The following KCNT2 variants were observed in gnomAD, a reference collection of about 807,000 sequenced individuals.
The protein encoded by KCNT2 is potassium sodium-activated channel subfamily T member 2.
KCNT2 carries 67 observed loss-of-function variants against 153.8 expected under a neutral mutation model. The observed-to-expected ratio is 0.44, with a 90% CI of 0.36 to 0.53. KCNT2 has a LOEUF of 0.53. Ranked by LOEUF, KCNT2 falls within the 20% of genes least tolerant of loss-of-function variation. The pLI is 0.00. For synonymous variants in KCNT2, 500 were observed against 458.8 expected (o/e 1.09, Z -1.15); for missense variants, 975 against 1,354.8 (o/e 0.72, Z 4.40).
intron 8 of KCNT2, among the ~76,000 whole-genome samples, chr1:196,449,802 G>A (rs569820272): frequency 7.0e-4 from 106 of 151,142 alleles, no homozygotes; most frequent in Middle Eastern, 6.8e-3. Flanking sequence ...AATAGAAAAG[G>A]CACTAATAAA....
At chr1:196,241,624 C>T (rs1450903408) in intron 26 of KCNT2, among the ~76,000 whole-genome samples, 1 of 151,972 alleles carries the variant, frequency 6.6e-6, no homozygotes, top group Non-Finnish European at 1.5e-5. Context: ...AACATTTGAA[C>T]TCTCTTAATT....
chr1:196,254,048 A>G (rs1049896760), intron 26 of KCNT2, among the ~76,000 whole-genome samples: 12 of 151,402 alleles, frequency 7.9e-5, no homozygotes, highest in Non-Finnish European at 3.0e-5. Context: ...ATAAAGTAAA[A>G]CTTTATATTT....
intron 22 of KCNT2, among the ~76,000 whole-genome samples, chr1:196,298,633 A>G (rs958764650): frequency 1.3e-5 from 2 of 151,820 alleles, no homozygotes; most frequent in Non-Finnish European, 2.9e-5. Context: ...GGTAAGATTA[A>G]TTAAATCATT....
At chr1:196,421,759 A>C (rs561466407) in intron 12 of KCNT2, among the ~76,000 whole-genome samples, 2 of 152,046 alleles carry the variant, frequency 1.3e-5, no homozygotes, top group Admixed American at 6.6e-5. Flanking sequence ...ACAGAATGTT[A>C]TTGTCTCACA....
Position 196,282,299 on chromosome 1 carries a change from T to C in KCNT2, c.2755A>G (p.Thr919Ala), listed in dbSNP as rs2147873696. The C allele has an allele frequency of 6.2e-7, 1 of 1,600,228 alleles. No individual in the cohort carries two copies. Among genetic ancestry groups the C allele is most frequent in the East Asian group, 2.2e-5 (1 of 44,690 alleles). Reference protein sequence around the residue: ...ITRLLLGLDTTPGSGFLCSMK... With the variant: ...ITRLLLGLDTAPGSGFLCSMK... ...GAACAAAGAAACCCAGATCCTGGTGTAGTGTCCAGTCCCAACAGAAGTCTC... is the reference window on the plus strand; with the variant it reads ...GAACAAAGAAACCCAGATCCTGGTGCAGTGTCCAGTCCCAACAGAAGTCTC... Residue 919 changes from threonine to alanine, a missense_variant, in exon 24 of 28, where the codon ACA becomes GCA. Thr to Ala is a moderately conservative substitution (Grantham distance 58). Around this residue, in one of 6 missense-constraint regions of KCNT2, gnomAD observed 241 missense variants for 271.1 expected, o/e 0.89. Coordinates refer to ENST00000294725, the MANE Select transcript of KCNT2 (RefSeq NM_198503.5).
At chr1:196,234,081 T>G (rs1295135140) in intron 27 of KCNT2, among the ~76,000 whole-genome samples, 5 of 151,402 alleles carry the variant, frequency 3.3e-5, no homozygotes, top group Non-Finnish European at 5.9e-5. Flanking sequence ...ACAAAGAAAT[T>G]ATAAATGTTT....
At chr1:196,496,702 G>A (rs1428402097) in intron 1 of KCNT2, among the ~76,000 whole-genome samples, 2 of 152,278 alleles carry the variant, frequency 1.3e-5, no homozygotes, top group South Asian at 2.1e-4. Context: ...AGGGTGGTAG[G>A]TGGCCAGAGC....
At chr1:196,358,055 C>T (rs1667313888) in intron 14 of KCNT2, among the ~76,000 whole-genome samples, 2 of 151,396 alleles carry the variant, frequency 1.3e-5, no homozygotes, top group South Asian at 4.2e-4. Context: ...TGAGTCTCTC[C>T]TCTTCTCTTA....
intron 14 of KCNT2, 57 bp downstream of exon 14, chr1:196,373,083 G>T: frequency 2.5e-6 from 2 of 804,414 alleles, no homozygotes; most frequent in South Asian, 1.5e-5. Context: ...TCACATAACT[G>T]CCCTTATTGT....
intron 25 of KCNT2, among the ~76,000 whole-genome samples, chr1:196,265,151 T>C (rs1210332418): frequency 6.6e-6 from 1 of 152,210 alleles, no homozygotes; most frequent in Non-Finnish European, 1.5e-5. Flanking sequence ...ATCCCATCTA[T>C]GAAAGGTAGT....
chr1:196,343,938 C>A (rs1415408803), intron 14 of KCNT2, among the ~76,000 whole-genome samples: 1 of 152,104 alleles, frequency 6.6e-6, no homozygotes, highest in Non-Finnish European at 1.5e-5. Flanking sequence ...TGCCACCATG[C>A]CCAGCTAATT....
At chr1:196,568,043 A>G (rs576631911) in intron 1 of KCNT2, among the ~76,000 whole-genome samples, 1 of 152,336 alleles carries the variant, frequency 6.6e-6, no homozygotes, top group South Asian at 2.1e-4. Flanking sequence ...TGGGTTAAGT[A>G]TCTTTTGTCT....
intron 5 of KCNT2, among the ~76,000 whole-genome samples, chr1:196,470,354 C>T (rs1243625383): frequency 6.6e-6 from 1 of 152,118 alleles, no homozygotes; most frequent in African/African-American, 2.4e-5. Context: ...GACACAATCC[C>T]TCCTATTTTA....
At chr1:196,381,220 G>A (rs930785542) in intron 13 of KCNT2, among the ~76,000 whole-genome samples, 2 of 151,814 alleles carry the variant, frequency 1.3e-5, no homozygotes, top group African/African-American at 4.8e-5. Flanking sequence ...CTCAAAAGGG[G>A]GCTCAAATTT....
intron 12 of KCNT2, among the ~76,000 whole-genome samples, chr1:196,401,766 A>G (rs1182122970): frequency 6.6e-6 from 1 of 151,710 alleles, no homozygotes; most frequent in Non-Finnish European, 1.5e-5. Context: ...ACTAGCAGAA[A>G]ATGATTTTAA....
chr1:196,244,315 G>A (rs920592430), intron 26 of KCNT2, among the ~76,000 whole-genome samples: 2 of 152,138 alleles, frequency 1.3e-5, no homozygotes, highest in Non-Finnish European at 1.5e-5. Context: ...GAGAAAAAGA[G>A]AGGGAAGAGT....
intron 25 of KCNT2, chr1:196,259,714 T>A (rs1656830475): frequency 6.6e-6 from 1 of 151,934 alleles, no homozygotes; most frequent in Non-Finnish European, 1.5e-5. Context: ...CACACTTAAT[T>A]TCATCCAAAA....
rs12045956 is a variant in KCNT2 at position 196,538,671 on chromosome 1, G to C, written c.96-46330C>G. ...ATGGTTACATAATGTGTGGAGTTGT[G>C]TGCCTGCGCTCCAAAACTGCTGAGT... is the stretch of plus-strand genomic sequence containing the variant. On this transcript the variant is annotated intron_variant, in intron 1 of 27. Transcript: ENST00000294725. 4.6e-5 allele frequency among the ~76,000 whole-genome samples: 7 copies of C among 152,252 alleles called. No homozygotes were observed. In the East Asian group the frequency reaches 1.4e-3, roughly 29 times the overall value.
At position 196,282,317 on chromosome 1, in the gene KCNT2, G is replaced by T. The variant is rs780601767; in HGVS notation, c.2737C>A (p.Leu913Met). 14 of 1,601,952 alleles carry T rather than the reference G, an allele frequency of 8.7e-6. No homozygotes were observed. The South Asian group carries it at 1.2e-4, about 14-fold the overall frequency. The change falls in exon 24 of 28, where the codon CTG (leucine) becomes ATG (methionine). Residue 913 changes from leucine to methionine, a missense_variant. Transcript: ENST00000294725. Reference protein sequence around the residue: ...KDYMISITRLLLGLDTTPGSG... With the variant: ...KDYMISITRLMLGLDTTPGSG... ...CCTGGTGTAGTGTCCAGTCCCAACA[G>T]AAGTCTCGTGATAGAAATCATATAA... is the stretch of plus-strand genomic sequence containing the variant.
Sources: gnomAD v4.1 joint callset for allele counts (sites outside exome capture counted in the v4.1 genomes callset) on GRCh38, gnomAD v4.1.1 for gene constraint, gnomAD v4.1.1 regional missense constraint, MANE v1.5 for transcripts, NCBI Gene and HGNC (gene_info 2026-07-23, HGNC 2026-07-21) for gene names.